Variants in ERCC6 observed in about 807,000 individuals in gnomAD.
The protein encoded by ERCC6 is DNA excision repair protein ERCC-6.
ERCC6 carries 116 observed loss-of-function variants against 158.7 expected under a neutral mutation model. That is an observed-to-expected ratio of 0.73 (90% CI 0.63 to 0.85). The LOEUF is 0.85. Among genes scored for constraint, ERCC6 ranks in the 40% least tolerant of loss-of-function variants. The pLI, the probability that ERCC6 is intolerant of heterozygous loss-of-function variation, is 0.00. For missense variants in ERCC6, 1,698 were observed against 1,799.4 expected, an observed-to-expected ratio of 0.94 and a Z score of 1.02; for synonymous variants, 678 against 659.3, an observed-to-expected ratio of 1.03 and a Z score of -0.43.
At position 49,458,258 on chromosome 10, in the gene ERCC6, T is replaced by C. The variant is rs1850515914; in HGVS notation, c.*557A>G. ...ATAAAAATACTCACCAATTTACCAG[T>C]ACCTTGAAAAGAGGATCTTTCCAAG... On this transcript the variant is annotated 3_prime_UTR_variant, in exon 21 of 21. Transcript: ENST00000355832. 1.3e-5 allele frequency: 2 copies of C among 156,196 alleles called. No individual in the cohort carries two copies. Among genetic ancestry groups the C allele is most frequent in the Admixed American group, 1.3e-4 (2 of 15,990 alleles). The allele number at this position is 156,196 out of a possible 1,614,324, so 9.7% of individuals were successfully genotyped here. A position where few individuals can be genotyped will look rare whatever the true frequency, so the allele number is the denominator to read the frequency against.
rs2132521534 is a variant in ERCC6, at chr10:49,456,968, T to C, written c.*1847A>G. 1 of 152,328 alleles carries C rather than the reference T, an allele frequency of 6.6e-6. No individual in the cohort carries two copies. Among genetic ancestry groups the C allele is most frequent in the South Asian group, 2.1e-4 (1 of 4,830 alleles). The allele number at this position is 152,328 out of a possible 1,614,324, so 9.4% of individuals were successfully genotyped here. A position where few individuals can be genotyped will look rare whatever the true frequency, so the allele number is the denominator to read the frequency against. The stretch of plus-strand genomic sequence containing the variant: ...GCTCCTACTGCATTATAGCTTTTGA[T>C]AGTATTTGCTACTTGAAGAGGAGGC... On this transcript the variant is annotated 3_prime_UTR_variant, in exon 21 of 21. Coordinates refer to ENST00000355832, the MANE Select transcript of ERCC6 (RefSeq NM_000124.4).
At chr10:49,460,618 C>T (rs1850565138) in intron 19 of ERCC6, among the ~76,000 whole-genome samples, 167 bp from the exon 20 acceptor site, 2 of 152,176 alleles carry the variant, frequency 1.3e-5, no homozygotes, top group African/African-American at 2.4e-5. Context: ...TTCCACTCCA[C>T]CCTCCTAGAA....
chr10:49,515,399 AGTT>A (rs1836917121), intron 5 of ERCC6: 1 of 1,613,926 alleles, frequency 6.2e-7, no homozygotes, highest in African/African-American at 1.3e-5. Flanking sequence ...CACATCGAAA[AGTT>A]GTGTTCTTAT....
At position 49,470,240 on chromosome 10, in the gene ERCC6, A is replaced by C; in HGVS notation, c.3720T>G (p.Ser1240Arg). Residue 1240 changes from serine (S) to arginine (R), a missense_variant, in exon 18 of 21, where the codon AGT becomes AGG. By Grantham distance (110) the Ser-to-Arg change is moderately radical (BLOSUM62 -1). Coordinates refer to ENST00000355832, the MANE Select transcript of ERCC6 (RefSeq NM_000124.4). ...CGTCATTGCTCTGTTCCTTGGCCTC[A>C]CTCTTGTTTTCACTGTCTTGCTTCT... is the stretch of plus-strand genomic sequence containing the variant. The part of the protein sequence containing the change: ...RYQKQDSENK[S>R]EAKEQSNDDY... 6.2e-7 allele frequency: 1 copy of C among 1,613,682 alleles called. No individual in the cohort carries two copies. Among genetic ancestry groups the C allele is most frequent in the Non-Finnish European group, 8.5e-7 (1 of 1,179,952 alleles).
intron 8 of ERCC6, chr10:49,488,148 C>T: frequency 4.6e-6 from 1 of 216,250 alleles, no homozygotes; most frequent in South Asian, 8.7e-5. Flanking sequence ...CTGCAATTAG[C>T]CTGACTTACT....
intron 5 of ERCC6, among the ~76,000 whole-genome samples, chr10:49,509,181 C>T (rs1341396424): frequency 6.6e-6 from 1 of 152,172 alleles, no homozygotes; most frequent in Non-Finnish European, 1.5e-5. Context: ...ACCTACTTCA[C>T]TGGGTTCTGG....
chr10:49,442,756 T>C, the ERCC6 span, among the ~76,000 whole-genome samples: 1 of 152,192 alleles, frequency 6.6e-6, no homozygotes, highest in Non-Finnish European at 1.5e-5. Flanking sequence ...AGATGAACAA[T>C]TACCTTCTCA....
intron 5 of ERCC6, chr10:49,516,870 G>C (rs774426918): frequency 6.2e-7 from 1 of 1,614,160 alleles, no homozygotes. Context: ...GTCATCTTTA[G>C]GTGCGTATGA....
At position 49,473,541 on chromosome 10, in the gene ERCC6, T is replaced by G. The variant is rs116431130; in HGVS notation, c.2645A>C (p.Tyr882Ser). 2.5e-6 allele frequency: 4 copies of G among 1,613,504 alleles called. No homozygotes were observed. In the South Asian group the frequency reaches 3.3e-5, roughly 13 times the overall value. The change falls in exon 14 of 21, where the codon TAT becomes TCT. Residue 882 changes from tyrosine to serine, a missense_variant. Transcript: ENST00000355832. ...EVFLRAQKYTYLKMDGTTTIA... is the reference protein window; with the variant it reads ...EVFLRAQKYTSLKMDGTTTIA... The stretch of plus-strand genomic sequence containing the variant: ...TGTAGTGGTACCATCCATCTTGAGA[T>G]AGGTATACTTTTGGGCTCTAAGGAA...
At chr10:49,497,623 T>A (rs1355389951) in intron 7 of ERCC6, among the ~76,000 whole-genome samples, 2 of 152,192 alleles carry the variant, frequency 1.3e-5, no homozygotes, top group African/African-American at 2.4e-5. Context: ...AGACTGTTGC[T>A]GGACCACAGC....
chr10:49,475,501 A>T (rs1481814756), intron 12 of ERCC6: 2 of 404,348 alleles, frequency 4.9e-6, no homozygotes, highest in Non-Finnish European at 9.8e-6. Context: ...AACCTCCTGT[A>T]GCAACCAATA....
the ERCC6 span, among the ~76,000 whole-genome samples, chr10:49,443,023 G>A: frequency 6.6e-6 from 1 of 152,154 alleles, no homozygotes; most frequent in Admixed American, 6.5e-5. Context: ...TCTGACGCTT[G>A]TGCCAATGAG....
intron 18 of ERCC6, among the ~76,000 whole-genome samples, chr10:49,466,397 A>C (rs1355898814): frequency 6.6e-6 from 1 of 152,224 alleles, no homozygotes; most frequent in Non-Finnish European, 1.5e-5. Flanking sequence ...GAAGGAAGCT[A>C]CAAACATGGA....
chr10:49,460,351 G>A (rs780088061), intron 20 of ERCC6, 22 bp downstream of exon 20: 7 of 1,558,422 alleles, frequency 4.5e-6, no homozygotes, highest in Non-Finnish European at 6.2e-6. Flanking sequence ...ACCCTGGAAA[G>A]CAAAAAGGTT....
chr10:49,516,575 G>C, intron 5 of ERCC6: 1 of 1,613,908 alleles, frequency 6.2e-7, no homozygotes, highest in Non-Finnish European at 8.5e-7. Flanking sequence ...GAAAACATTT[G>C]AATTCAGAGC....
At position 49,505,892 on chromosome 10, in the gene ERCC6, C is replaced by T. The variant is rs1232091509; in HGVS notation, c.1518G>A (p.Lys506=). 6.2e-7 allele frequency: 1 copy of T among 1,613,134 alleles called. No homozygotes were observed. Among genetic ancestry groups the T allele is most frequent in the Non-Finnish European group, 8.5e-7 (1 of 1,179,452 alleles). The part of the protein sequence containing the change: ...GFKVPGFLFK[K]LFKYQQTGVR... ...GAACATATGGTACATACTTAAAAAG[C>T]TTTTTGAACAGAAAACCTGGCACTT... Residue 506 remains lysine (K), a synonymous_variant, in exon 6 of 21, where the codon AAG becomes AAA. Transcript: ENST00000355832.
At chr10:49,462,556 T>C (rs1003464358) in intron 18 of ERCC6, among the ~76,000 whole-genome samples, 1 of 151,806 alleles carries the variant, frequency 6.6e-6, no homozygotes, top group South Asian at 2.1e-4. Flanking sequence ...AATGAGGAAA[T>C]ACTTGTAACA....
chr10:49,537,508 T>TACACAC (rs36057162), intron 1 of ERCC6, among the ~76,000 whole-genome samples: 5,165 of 145,642 alleles, frequency 0.035, 132 homozygotes, highest in South Asian at 0.049. Context: ...TATATACACA[T>TACACAC]ACACACACAC....
intron 18 of ERCC6, among the ~76,000 whole-genome samples, chr10:49,463,080 T>C (rs1850612421): frequency 6.6e-6 from 1 of 152,230 alleles, no homozygotes; most frequent in Admixed American, 6.5e-5. Context: ...CCAAAATTCT[T>C]GGGACCAGAA....
Sources: allele counts gnomAD v4.1 joint callset (sites outside exome capture counted in the v4.1 genomes callset), GRCh38; gene constraint gnomAD v4.1.1; transcripts MANE v1.5; gene names NCBI Gene and HGNC (gene_info 2026-07-23, HGNC 2026-07-21).